The following RARB variants were observed in gnomAD, a reference collection of about 807,000 sequenced individuals.
RARB encodes HBV-activated protein.
In RARB, 17 loss-of-function variants were observed where a neutral mutation model predicts 51.9. That is an observed-to-expected ratio of 0.33 (90% CI 0.22 to 0.49). The LOEUF is 0.49. RARB is among the 20% of genes least tolerant of loss of function. RARB has a pLI of 0.99. For missense variants in RARB, 369 were observed against 550.8 expected (o/e 0.67, Z 3.30); for synonymous variants, 215 against 195.4 (o/e 1.10, Z -0.84).
chr3:24,880,843 TG>T (rs1291378847), intron 2 of RARB, among the ~76,000 whole-genome samples: 1 of 152,256 alleles, frequency 6.6e-6, no homozygotes, highest in Non-Finnish European at 1.5e-5. Flanking sequence ...TGTGTTACTG[TG>T]AACTTATGTT....
At chr3:24,995,759 G>A (rs6771524) in intron 2 of RARB, among the ~76,000 whole-genome samples, 126,613 of 152,092 alleles carry the variant, frequency 0.83, 53,188 homozygotes, top group East Asian at 1. Context: ...GTGATTAATG[G>A]CATTAATTGA....
At chr3:25,477,252 C>T (rs1251272833) in intron 2 of RARB, among the ~76,000 whole-genome samples, 1 of 152,186 alleles carries the variant, frequency 6.6e-6, no homozygotes, top group Non-Finnish European at 1.5e-5. Flanking sequence ...GTGCCTGCCC[C>T]ATCTGTCTTG....
intron 5 of RARB, among the ~76,000 whole-genome samples, chr3:25,360,106 G>A (rs746547845): frequency 2.1e-4 from 32 of 152,180 alleles, no homozygotes; most frequent in Non-Finnish European, 4.1e-4. Context: ...TTGTGTGGGA[G>A]TCTAAGTCTC....
intron 5 of RARB, among the ~76,000 whole-genome samples, chr3:25,222,792 A>G (rs1701975460): frequency 6.6e-6 from 1 of 152,188 alleles, no homozygotes; most frequent in Admixed American, 6.5e-5. Context: ...CATTCTTCAT[A>G]GTGATTTTTT....
Position 25,596,827 on chromosome 3 carries a change from G to T in RARB, c.*211G>T. 2.5e-6 allele frequency: 1 copy of T among 400,356 alleles called. No individual in the cohort carries two copies. The highest frequency in any genetic ancestry group is 4.4e-6 in the Non-Finnish European group (1 of 227,920). The allele number at this position is 400,356 out of a possible 1,614,324, so 24.8% of individuals were successfully genotyped here. ...AAACTTTTCCAATTTTAAAAAATCAGCCATTTCATGCAACCAGAAACTAGT... is the reference window on the plus strand; with the variant it reads ...AAACTTTTCCAATTTTAAAAAATCATCCATTTCATGCAACCAGAAACTAGT... On this transcript the variant is annotated 3_prime_UTR_variant, in exon 8 of 8. Transcript: ENST00000330688.
At chr3:25,066,635 TTC>T (rs1307825531) in intron 3 of RARB, among the ~76,000 whole-genome samples, 1 of 150,726 alleles carries the variant, frequency 6.6e-6, no homozygotes, top group East Asian at 1.9e-4. Flanking sequence ...ACACACACCT[TTC>T]TCTCTCTTAC....
intron 5 of RARB, among the ~76,000 whole-genome samples, chr3:25,414,439 C>A (rs1012285142): frequency 6.6e-6 from 1 of 152,184 alleles, no homozygotes; most frequent in African/African-American, 2.4e-5. Context: ...AACACCTAGG[C>A]ATGGAATGGC....
intron 3 of RARB, among the ~76,000 whole-genome samples, chr3:25,116,117 A>G (rs1038214259): frequency 1.3e-5 from 2 of 152,064 alleles, no homozygotes; most frequent in African/African-American, 4.8e-5. Context: ...CTACCAGTTC[A>G]TTTTCTCTTG....
chr3:25,139,889 T>C (rs1452094445), intron 4 of RARB, among the ~76,000 whole-genome samples: 1 of 152,292 alleles, frequency 6.6e-6, no homozygotes, highest in South Asian at 2.1e-4. Context: ...TTAATAATTA[T>C]GCAAACTTTA....
chr3:25,294,810 G>C (rs527570946), intron 5 of RARB, among the ~76,000 whole-genome samples: 3 of 150,730 alleles, frequency 2.0e-5, no homozygotes, highest in Admixed American at 1.3e-4. Context: ...AGAGGAGGAA[G>C]AGGGAGTGGA....
chr3:25,219,003 T>C (rs916340040), intron 5 of RARB, among the ~76,000 whole-genome samples: 2 of 152,200 alleles, frequency 1.3e-5, no homozygotes, highest in African/African-American at 2.4e-5. Flanking sequence ...ATACAGGCAC[T>C]TGAAGCTTAT....
intron 3 of RARB, among the ~76,000 whole-genome samples, chr3:25,122,061 T>C (rs571189240): frequency 7.4e-4 from 112 of 152,280 alleles, no homozygotes; most frequent in Middle Eastern, 3.4e-3. Context: ...ATGTATCAGT[T>C]AGGATAATGT....
At chr3:25,370,286 A>G (rs982928184) in intron 5 of RARB, among the ~76,000 whole-genome samples, 5 of 152,210 alleles carry the variant, frequency 3.3e-5, no homozygotes, top group Non-Finnish European at 2.9e-5. Context: ...AATTAGTAAA[A>G]ATTGATCGTC....
At chr3:25,500,277 A>C (rs557299660) in intron 2 of RARB, among the ~76,000 whole-genome samples, 65 of 152,234 alleles carry the variant, frequency 4.3e-4, no homozygotes, top group African/African-American at 1.4e-3. Flanking sequence ...ACATAGCTCT[A>C]ACATGCCATT....
At chr3:25,421,303 A>G (rs780697470) in intron 5 of RARB, among the ~76,000 whole-genome samples, 11 of 151,928 alleles carry the variant, frequency 7.2e-5, no homozygotes, top group Non-Finnish European at 1.6e-4. Flanking sequence ...ACTCTGACAG[A>G]AGATTCTCTG....
intron 2 of RARB, among the ~76,000 whole-genome samples, chr3:24,895,305 A>G (rs1214303753): frequency 6.6e-6 from 1 of 152,172 alleles, no homozygotes; most frequent in Non-Finnish European, 1.5e-5. Flanking sequence ...GTTAGATTTG[A>G]TATTACTTTT....
intron 2 of RARB, among the ~76,000 whole-genome samples, chr3:24,923,101 T>C (rs1695252214): frequency 6.6e-6 from 1 of 152,100 alleles, no homozygotes; most frequent in African/African-American, 2.4e-5. Flanking sequence ...GGGTAAAAGG[T>C]CAAGAGACCG....
chr3:25,530,217 G>C (rs1255554972), intron 3 of RARB, among the ~76,000 whole-genome samples: 1 of 152,156 alleles, frequency 6.6e-6, no homozygotes, highest in Non-Finnish European at 1.5e-5. Flanking sequence ...GAGATATGCA[G>C]GAATCCCCTT....
At chr3:25,353,999 G>C (rs920899179) in intron 5 of RARB, among the ~76,000 whole-genome samples, 7 of 151,838 alleles carry the variant, frequency 4.6e-5, no homozygotes, top group Admixed American at 3.3e-4. Context: ...AGTTTTTGTG[G>C]GATTCAAGAC....
Sources: gnomAD v4.1 joint callset for allele counts (sites outside exome capture counted in the v4.1 genomes callset) on GRCh38, gnomAD v4.1.1 for gene constraint, MANE v1.5 for transcripts, NCBI Gene and HGNC (gene_info 2026-07-23, HGNC 2026-07-21) for gene names.